The following FAM241A variants were observed in gnomAD, a reference collection of about 807,000 sequenced individuals.
The protein encoded by FAM241A is uncharacterized protein FAM241A.
A neutral mutation model predicts 12.2 loss-of-function variants in FAM241A; 7 were observed. That is an observed-to-expected ratio of 0.58 (90% CI 0.33 to 1.08). FAM241A has a LOEUF of 1.08. Ranked by LOEUF, FAM241A falls within the 50% of genes least tolerant of loss-of-function variation. FAM241A has a pLI of 0.04. For missense variants in FAM241A, 161 were observed against 169.7 expected (o/e 0.95, Z 0.29); for synonymous variants, 74 against 68.2 (o/e 1.08, Z -0.42).
At chr4:112,181,532 T>C (rs2110434376) in intron 1 of FAM241A, among the ~76,000 whole-genome samples, 1 of 152,326 alleles carries the variant, frequency 6.6e-6, no homozygotes, top group East Asian at 1.9e-4. Context: ...TCCTAGTTCA[T>C]GAAGTTTATA....
At position 112,188,737 on chromosome 4, in the gene FAM241A, TAAATG is replaced by T. The variant is rs1474674358; in HGVS notation, c.*1801_*1805del. The stretch of plus-strand genomic sequence containing the variant: ...AATTTTACTTTTCCTTTGCAACACA[TAAATG>T]ATATGATGTACAAAATAACAGCTCT... On this transcript the variant is annotated 3_prime_UTR_variant, in exon 2 of 2. Transcript: ENST00000309733. 6.6e-6 allele frequency: 1 copy of T among 152,182 alleles called. No homozygotes were observed. Among genetic ancestry groups the T allele is most frequent in the Admixed American group, 6.5e-5 (1 of 15,276 alleles). 9.4% of individuals were successfully genotyped at this position (152,182 alleles called of 1,614,324 possible). A position where few individuals can be genotyped will look rare whatever the true frequency, so the allele number is the denominator to read the frequency against.
chr4:112,192,023 G>A lies in FAM241A; in HGVS notation c.*5085G>A, dbSNP rs988101483. On this transcript the variant is annotated 3_prime_UTR_variant, in exon 2 of 2. Transcript: ENST00000309733. ...CCACTAACAAAAAAGATCTAGAGCT[G>A]GTTGTACTTTGAAGTTCTTTGACTC... The A allele has an allele frequency of 6.6e-6, 1 of 152,040 alleles. No homozygotes were observed. The highest frequency in any genetic ancestry group is 1.9e-4 in the East Asian group (1 of 5,198). 9.4% of individuals were successfully genotyped at this position (152,040 alleles called of 1,614,324 possible).
intron 1 of FAM241A, among the ~76,000 whole-genome samples, chr4:112,155,014 CAG>C (rs1446591920): frequency 6.6e-6 from 1 of 151,542 alleles, no homozygotes; most frequent in Non-Finnish European, 1.5e-5. Context: ...GCCTGGGCGA[CAG>C]AGCAAAACTC....
At chr4:112,151,984 C>T (rs1723253465) in intron 1 of FAM241A, among the ~76,000 whole-genome samples, 1 of 152,080 alleles carries the variant, frequency 6.6e-6, no homozygotes, top group South Asian at 2.1e-4. Context: ...ATACTCACTT[C>T]CTTTCACGTA....
chr4:112,158,649 C>T (rs577344403), intron 1 of FAM241A, among the ~76,000 whole-genome samples: 1 of 152,116 alleles, frequency 6.6e-6, no homozygotes, highest in East Asian at 1.9e-4. Context: ...GAAAGGTAGA[C>T]AGGGAATGTG....
chr4:112,154,167 G>A (rs936849346), intron 1 of FAM241A, among the ~76,000 whole-genome samples: 1 of 152,286 alleles, frequency 6.6e-6, no homozygotes, highest in East Asian at 1.9e-4. Context: ...AATTTTCACT[G>A]CCACAAATTG....
At chr4:112,185,832 C>T (rs1179248916) in intron 1 of FAM241A, among the ~76,000 whole-genome samples, 2 of 152,162 alleles carry the variant, frequency 1.3e-5, no homozygotes, top group Non-Finnish European at 2.9e-5. Flanking sequence ...CTATTGCTGT[C>T]GGAGTGAAGA....
At chr4:112,160,795 T>C (rs1723448530) in intron 1 of FAM241A, among the ~76,000 whole-genome samples, 1 of 152,070 alleles carries the variant, frequency 6.6e-6, no homozygotes, top group Non-Finnish European at 1.5e-5. Flanking sequence ...GCCAAGAATA[T>C]ACACTAGGGA....
chr4:112,169,356 ATATTTTGCT>A (rs1723670129), intron 1 of FAM241A, among the ~76,000 whole-genome samples: 2 of 152,202 alleles, frequency 1.3e-5, no homozygotes, highest in South Asian at 2.1e-4. Flanking sequence ...ATCAGGATCT[ATATTTTGCT>A]TATTTTGCTT....
At chr4:112,186,329 A>G (rs1724037652) in intron 1 of FAM241A, among the ~76,000 whole-genome samples, 1 of 152,200 alleles carries the variant, frequency 6.6e-6, no homozygotes, top group Non-Finnish European at 1.5e-5. Context: ...AATAACAGCA[A>G]ACATGCTTTG....
intron 1 of FAM241A, among the ~76,000 whole-genome samples, chr4:112,170,391 CAGTA>C (rs936792297): frequency 1.3e-5 from 2 of 152,082 alleles, no homozygotes; most frequent in Admixed American, 1.3e-4. Context: ...GTTAAAGACA[CAGTA>C]AGAGATTAAC....
In FAM241A at chr4:112,145,638, G is replaced by A. The variant is rs1393860778; in HGVS notation, c.58G>A (p.Gly20Arg). The change falls in exon 1 of 2, where the codon GGG becomes AGG. Residue 20 changes from glycine to arginine, a missense_variant. Gly to Arg is a moderately radical substitution (Grantham distance 125). Coordinates refer to ENST00000309733, the MANE Select transcript of FAM241A (RefSeq NM_152400.3). ...CGACGGCGGGGAACGCGACGAGGAC[G>A]GGGACGCGCTGGCGGAGCGGGAGGC... ...GGDGGERDED[G>R]DALAEREAAG... The A allele has an allele frequency of 5.7e-6, 7 of 1,223,434 alleles. No individual in the cohort carries two copies. Among genetic ancestry groups the A allele is most frequent in the Admixed American group, 4.3e-5 (1 of 23,384 alleles). The allele number at this position is 1,223,434 out of a possible 1,614,324, so 75.8% of individuals were successfully genotyped here.
At chr4:112,177,423 A>G (rs2110432489) in intron 1 of FAM241A, among the ~76,000 whole-genome samples, 1 of 152,258 alleles carries the variant, frequency 6.6e-6, no homozygotes, top group Non-Finnish European at 1.5e-5. Flanking sequence ...TATAGGGATT[A>G]ATGGTGAGTC....
At chr4:112,180,540 G>A (rs577457465) in intron 1 of FAM241A, among the ~76,000 whole-genome samples, 1 of 152,178 alleles carries the variant, frequency 6.6e-6, no homozygotes, top group East Asian at 1.9e-4. Flanking sequence ...TTTCTCAAAA[G>A]GTGGCGAAAA....
chr4:112,179,684 G>A (rs1723889209), intron 1 of FAM241A, among the ~76,000 whole-genome samples: 2 of 150,376 alleles, frequency 1.3e-5, no homozygotes, highest in South Asian at 4.2e-4. Flanking sequence ...TTGTGCACAT[G>A]TACCCTAGAA....
intron 1 of FAM241A, among the ~76,000 whole-genome samples, chr4:112,155,287 T>A (rs1344263844): frequency 3.3e-5 from 5 of 152,164 alleles, no homozygotes; most frequent in African/African-American, 1.2e-4. Flanking sequence ...CTTATAATTT[T>A]AAAAATATTG....
At chr4:112,180,556 G>A (rs1377695119) in intron 1 of FAM241A, among the ~76,000 whole-genome samples, 1 of 151,856 alleles carries the variant, frequency 6.6e-6, no homozygotes, top group Non-Finnish European at 1.5e-5. Flanking sequence ...GAAAAGCTAG[G>A]TTTTTGTTTT....
intron 1 of FAM241A, among the ~76,000 whole-genome samples, chr4:112,166,780 A>T (rs1161457410): frequency 2.0e-5 from 3 of 152,186 alleles, no homozygotes; most frequent in Non-Finnish European, 4.4e-5. Flanking sequence ...GCAAAGGAAG[A>T]TGGAAAAAGA....
intron 1 of FAM241A, among the ~76,000 whole-genome samples, chr4:112,154,507 A>G (rs1321885577): frequency 6.6e-6 from 1 of 151,968 alleles, no homozygotes; most frequent in Non-Finnish European, 1.5e-5. Flanking sequence ...GCCTCAAGCA[A>G]TTTCCCTGCC....
Sources: gnomAD v4.1 joint callset for allele counts (sites outside exome capture counted in the v4.1 genomes callset) on GRCh38, gnomAD v4.1.1 for gene constraint, MANE v1.5 for transcripts, NCBI Gene and HGNC (gene_info 2026-07-23, HGNC 2026-07-21) for gene names.